Variants in KLF15 observed in about 807,000 individuals in gnomAD.
KLF15 encodes KLF transcription factor 15.
A neutral mutation model predicts 24.6 loss-of-function variants in KLF15; 4 were observed. The observed-to-expected ratio is 0.16, with a 90% CI of 0.08 to 0.37. The LOEUF is 0.37. Ranked by LOEUF, KLF15 falls within the 10% of genes least tolerant of loss-of-function variation. The pLI, the probability that KLF15 is intolerant of heterozygous loss-of-function variation, is 1.00. For synonymous variants in KLF15, 246 were observed against 236.3 expected, an observed-to-expected ratio of 1.04 and a Z score of -0.37; for missense variants, 496 against 560.6, an observed-to-expected ratio of 0.88 and a Z score of 1.16.
chr3:126,319,601 C>A, the KLF15 span, among the ~76,000 whole-genome samples: 1 of 152,190 alleles, frequency 6.6e-6, no homozygotes, highest in Non-Finnish European at 1.5e-5. Flanking sequence ...ATCTTTTGAA[C>A]ATTTTTGAAT....
the KLF15 span, among the ~76,000 whole-genome samples, chr3:126,334,047 G>A: frequency 6.6e-6 from 1 of 152,078 alleles, no homozygotes; most frequent in African/African-American, 2.4e-5. Flanking sequence ...CCCAGGAATT[G>A]AACTCAGCTC....
the KLF15 span, among the ~76,000 whole-genome samples, chr3:126,323,159 C>T: frequency 1.3e-5 from 2 of 149,184 alleles, no homozygotes; most frequent in Admixed American, 6.7e-5. Flanking sequence ...TAAAGAATAC[C>T]CATACACCCT....
the KLF15 span, among the ~76,000 whole-genome samples, chr3:126,319,418 G>T: frequency 7.2e-5 from 11 of 152,212 alleles, no homozygotes; most frequent in Non-Finnish European, 1.6e-4. Context: ...ATGACTGAGA[G>T]TTGCTCCACA....
the KLF15 span, among the ~76,000 whole-genome samples, chr3:126,334,951 A>T: frequency 8.9e-6 from 1 of 112,988 alleles, no homozygotes; most frequent in African/African-American, 3.8e-5. Context: ...AACCAAAAAG[A>T]GTCCAGGACC....
Position 126,352,077 on chromosome 3 carries a change from G to A in KLF15, c.846C>T (p.Ala282=). 1 of 1,541,140 alleles carries A rather than the reference G, an allele frequency of 6.5e-7. No homozygotes were observed. Among genetic ancestry groups the A allele is most frequent in the East Asian group, 2.4e-5 (1 of 41,376 alleles). Residue 282 remains alanine (A), a synonymous_variant, in exon 2 of 3, where the codon GCC becomes GCT. Coordinates refer to ENST00000296233, the MANE Select transcript of KLF15 (RefSeq NM_014079.4). ...LNLPSKFVRI[A]PVPIAAKPVG... ...CAGGCTTGGCGGCAATGGGCACAGG[G>A]GCAATGCGCACAAACTTGGAGGGCA...
the KLF15 span, among the ~76,000 whole-genome samples, chr3:126,301,519 G>A: frequency 0.42 from 63,864 of 151,354 alleles, 13,689 homozygotes; most frequent in African/African-American, 0.47. Context: ...CTCACACGCC[G>A]CCACGCACAC....
intron 1 of KLF15, among the ~76,000 whole-genome samples, chr3:126,354,512 T>G (rs1380609935): frequency 6.6e-6 from 1 of 152,146 alleles, no homozygotes; most frequent in East Asian, 1.9e-4. Context: ...CTCTTCCTGC[T>G]CAGGGACCCC....
the KLF15 span, among the ~76,000 whole-genome samples, chr3:126,314,696 T>C: frequency 6.6e-6 from 1 of 152,178 alleles, no homozygotes; most frequent in East Asian, 1.9e-4. Flanking sequence ...GGGCTCCACC[T>C]GGGGCAGAAC....
Position 126,343,874 on chromosome 3 carries a change from C to T in KLF15, c.1104G>A (p.Leu368=). 6.3e-7 allele frequency: 1 copy of T among 1,595,918 alleles called. No homozygotes were observed. Among genetic ancestry groups the T allele is most frequent in the Non-Finnish European group, 8.5e-7 (1 of 1,172,062 alleles). ...CGWRFSRSDE[L]SRHRRSHSGV... ...CTGAGTGCGAGCGCCTGTGCCGCGA[C>T]AGCTCGTCAGAGCGCGAGAACCTGC... is the stretch of plus-strand genomic sequence containing the variant. The change falls in exon 3 of 3, where the codon CTG becomes CTA. Residue 368 remains leucine, a synonymous_variant. Coordinates refer to ENST00000296233, the MANE Select transcript of KLF15 (RefSeq NM_014079.4).
At chr3:126,292,956 A>G in the KLF15 span, among the ~76,000 whole-genome samples, 16 of 151,892 alleles carry the variant, frequency 1.1e-4, no homozygotes, top group Non-Finnish European at 1.8e-4. Flanking sequence ...AAAGTGATGG[A>G]CTAAGGATAG....
chr3:126,305,885 A>G, the KLF15 span, among the ~76,000 whole-genome samples: 4 of 152,232 alleles, frequency 2.6e-5, no homozygotes, highest in Non-Finnish European at 5.9e-5. Context: ...TGTCTTTGTG[A>G]TTCTCAAGCT....
intron 1 of KLF15, among the ~76,000 whole-genome samples, chr3:126,355,919 C>T (rs1199656005): frequency 1.3e-5 from 2 of 152,200 alleles, no homozygotes; most frequent in African/African-American, 2.4e-5. Context: ...GGAGCTGGCT[C>T]GGCCCCTGAA....
chr3:126,344,328 G>A (rs188567517), intron 2 of KLF15, among the ~76,000 whole-genome samples: 1 of 151,918 alleles, frequency 6.6e-6, no homozygotes, highest in South Asian at 2.1e-4. Flanking sequence ...CCAAAGTGCT[G>A]GGATTAAAGG....
chr3:126,306,200 G>GCT, the KLF15 span, among the ~76,000 whole-genome samples: 1 of 152,142 alleles, frequency 6.6e-6, no homozygotes, highest in Non-Finnish European at 1.5e-5. Flanking sequence ...ACTCAGAGGT[G>GCT]CTCTGAGCAC....
chr3:126,304,971 C>T, the KLF15 span, among the ~76,000 whole-genome samples: 1 of 152,310 alleles, frequency 6.6e-6, no homozygotes, highest in South Asian at 2.1e-4. Flanking sequence ...CTTTCTCAGT[C>T]CCGCAAGTAG....
chr3:126,330,031 GC>G, the KLF15 span, among the ~76,000 whole-genome samples: 3 of 149,388 alleles, frequency 2.0e-5, no homozygotes, highest in Non-Finnish European at 4.4e-5. Context: ...GACTTGTTCT[GC>G]CCAGTGGGTC....
the KLF15 span, among the ~76,000 whole-genome samples, chr3:126,296,027 G>T: frequency 6.6e-6 from 1 of 152,140 alleles, no homozygotes; most frequent in East Asian, 1.9e-4. Flanking sequence ...TCCCATTGCT[G>T]TTGTCCCTGT....
chr3:126,311,680 C>A, the KLF15 span, among the ~76,000 whole-genome samples: 7 of 152,382 alleles, frequency 4.6e-5, no homozygotes, highest in East Asian at 1.2e-3. Flanking sequence ...CATCCTCCAA[C>A]CTTCACTAAC....
At chr3:126,348,694 G>A (rs116811651) in intron 2 of KLF15, among the ~76,000 whole-genome samples, 2,826 of 152,346 alleles carry the variant, frequency 0.019, 88 homozygotes, top group African/African-American at 0.064. Context: ...TGAGACAGAG[G>A]GCACAGAGAG....
Sources: gnomAD v4.1 joint callset for allele counts (sites outside exome capture counted in the v4.1 genomes callset) on GRCh38, gnomAD v4.1.1 for gene constraint, MANE v1.5 for transcripts, NCBI Gene and HGNC (gene_info 2026-07-23, HGNC 2026-07-21) for gene names.